Variants in ACO1 observed in about 807,000 individuals in gnomAD.
ACO1 encodes aconitase 1.
A neutral mutation model predicts 105.1 loss-of-function variants in ACO1; 78 were observed. The ratio of observed to expected loss-of-function variants is 0.74; its 90% CI spans 0.62 to 0.90. ACO1 has a LOEUF of 0.90. ACO1 is among the 40% of genes least tolerant of loss of function. The probability of loss-of-function intolerance (pLI) is 0.00; values close to 1 mark genes in which losing one functional copy is unlikely to be tolerated. For missense variants in ACO1, 965 were observed against 1,111.1 expected (o/e 0.87, Z 1.87); for synonymous variants, 364 against 397.4 (o/e 0.92, Z 1.00).
rs1020429262 is a variant in ACO1, at chr9:32,439,593, TATAAG to T, written c.2248-869_2248-865del. The stretch of plus-strand genomic sequence containing the variant: ...TCCCTGTGAGAAACAAATCTGTTTG[TATAAG>T]ATGTTTCTCATGTACTAAAATATTA... On this transcript the variant is annotated intron_variant, in intron 18 of 20. Coordinates refer to ENST00000309951, the MANE Select transcript of ACO1 (RefSeq NM_002197.3). The surrounding 1 kb of genome is among the most constrained non-coding windows in gnomAD (Gnocchi z 4.0). Among the ~76,000 whole-genome samples, 1 of 152,268 alleles carries T rather than the reference TATAAG, an allele frequency of 6.6e-6. No homozygotes were observed. The highest frequency in any genetic ancestry group is 2.4e-5 in the African/African-American group (1 of 41,470).
chr9:32,417,094 GTTTC>G (rs2118453440), intron 4 of ACO1, among the ~76,000 whole-genome samples: 1 of 152,262 alleles, frequency 6.6e-6, no homozygotes, highest in South Asian at 2.1e-4. Flanking sequence ...GACTGCCTGG[GTTTC>G]AATCCCAGTT....
chr9:32,387,320 A>C (rs540160730), intron 1 of ACO1, among the ~76,000 whole-genome samples: 2 of 152,340 alleles, frequency 1.3e-5, no homozygotes, highest in East Asian at 3.9e-4. Flanking sequence ...GAGCTGGTTT[A>C]TACTAGCATT....
At chr9:32,420,506 G>C (rs775237144) in intron 7 of ACO1, among the ~76,000 whole-genome samples, 1 of 152,142 alleles carries the variant, frequency 6.6e-6, no homozygotes, top group Non-Finnish European at 1.5e-5. Context: ...AAAGAGTACA[G>C]AGAATTCCTG....
chr9:32,411,832 G>A (rs927803079), intron 4 of ACO1, among the ~76,000 whole-genome samples: 2 of 152,080 alleles, frequency 1.3e-5, no homozygotes, highest in Non-Finnish European at 2.9e-5. Flanking sequence ...TATATCCTTT[G>A]TCCTGGAATT....
At chr9:32,398,054 T>C (rs1484456420) in intron 1 of ACO1, among the ~76,000 whole-genome samples, 1 of 152,182 alleles carries the variant, frequency 6.6e-6, no homozygotes, top group African/African-American at 2.4e-5. Flanking sequence ...CCACTACTGA[T>C]AGTTCTGCTG....
intron 1 of ACO1, among the ~76,000 whole-genome samples, chr9:32,385,150 G>A (rs1349428617): frequency 6.6e-6 from 1 of 152,188 alleles, no homozygotes; most frequent in East Asian, 1.9e-4. Context: ...GGGCAGATCC[G>A]GGAATCCACT....
rs535299232 is a variant in ACO1, at chr9:32,448,735, T to C, written c.2371-161T>C. Among the ~76,000 whole-genome samples, 3 of 152,292 alleles carry C rather than the reference T, an allele frequency of 2.0e-5. No individual in the cohort carries two copies. The South Asian group carries it at 6.2e-4, about 32-fold the overall frequency. ...ATGAACCGGGTACCTCAGTTGGAAA[T>C]GCAGAAATCACTCGCCTTCTGTGTC... On this transcript the variant is annotated intron_variant, in intron 19 of 20. Transcript: ENST00000309951.
chr9:32,429,434 C>T lies in ACO1; in HGVS notation c.1500C>T (p.Gly500=), dbSNP rs1822176595. 6.2e-7 allele frequency: 1 copy of T among 1,614,144 alleles called. No homozygotes were observed. The change falls in exon 13 of 21, where the codon GGC becomes GGT. Residue 500 remains glycine (G), a synonymous_variant. Coordinates refer to ENST00000309951, the MANE Select transcript of ACO1 (RefSeq NM_002197.3). ...YLSQLGFDVV[G]YGCMTCIGNS... is the part of the protein sequence containing the mutation. ...TGGTGTCTAGGTTTGACGTGGTGGGCTATGGCTGCATGACCTGCATTGGCA... is the reference window on the plus strand; with the variant it reads ...TGGTGTCTAGGTTTGACGTGGTGGGTTATGGCTGCATGACCTGCATTGGCA...
In ACO1 at chr9:32,421,007, T is replaced by C. The variant is rs1245908877; in HGVS notation, c.950T>C (p.Ile317Thr). The change falls in exon 8 of 21, where the codon ATC becomes ACC. Residue 317 changes from isoleucine to threonine, a missense_variant. By Grantham distance (89) the Ile-to-Thr change is moderately conservative (BLOSUM62 -1). Transcript: ENST00000309951. ...TTTTTCCCAGTTGATGAAGTTAGTA[T>C]CACGTACCTGGTGCAAACAGGTAAG... is the stretch of plus-strand genomic sequence containing the variant. ...AAFFPVDEVS[I>T]TYLVQTGRDE... 1 of 1,613,954 alleles carries C rather than the reference T, an allele frequency of 6.2e-7. No individual in the cohort carries two copies. Among genetic ancestry groups the C allele is most frequent in the East Asian group, 2.2e-5 (1 of 44,886 alleles).
At chr9:32,405,458 A>T (rs1490212155) in intron 1 of ACO1, 27 bp from the exon 2 acceptor site, 11 of 1,408,314 alleles carry the variant, frequency 7.8e-6, no homozygotes, top group African/African-American at 1.4e-5. Flanking sequence ...TTAAAAAAAG[A>T]ATTTAAATGT....
chr9:32,450,744 C>T lies in ACO1; in HGVS notation c.*633C>T, dbSNP rs1563952569. 1 of 151,960 alleles carries T rather than the reference C, an allele frequency of 6.6e-6. No homozygotes were observed. Among genetic ancestry groups the T allele is most frequent in the Non-Finnish European group, 1.5e-5 (1 of 68,060 alleles). 9.4% of individuals were successfully genotyped at this position (151,960 alleles called of 1,614,324 possible). A position where few individuals can be genotyped will look rare whatever the true frequency, so the allele number is the denominator to read the frequency against. ...GAAATGTGAAGTTTTCTTTTACTATCTTTTCATTTATCAAGCAGAGACCTT... is the reference window on the plus strand; with the variant it reads ...GAAATGTGAAGTTTTCTTTTACTATTTTTTCATTTATCAAGCAGAGACCTT... On this transcript the variant is annotated 3_prime_UTR_variant, in exon 21 of 21. Transcript: ENST00000309951.
chr9:32,430,306 G>A, intron 13 of ACO1, 112 bp from the exon 14 acceptor site: 1 of 1,081,362 alleles, frequency 9.2e-7, no homozygotes, highest in Admixed American at 2.7e-5. Flanking sequence ...CCAAGTGAAA[G>A]GGCAGCTTAA....
rs572732602 is a variant in ACO1, at chr9:32,446,019, T to A, written c.2371-2877T>A. On this transcript the variant is annotated intron_variant, in intron 19 of 20. Coordinates refer to ENST00000309951, the MANE Select transcript of ACO1 (RefSeq NM_002197.3). ...TTCTTTTGTGTATGCTGAGGAGTGT[T>A]TTACTTCCAATTATGTGGTCAGTGT... 7.9e-5 allele frequency among the ~76,000 whole-genome samples: 12 copies of A among 152,306 alleles called. No homozygotes were observed. The East Asian group carries it at 2.3e-3, about 29-fold the overall frequency.
intron 1 of ACO1, among the ~76,000 whole-genome samples, chr9:32,397,501 G>A (rs1046885233): frequency 2.0e-5 from 3 of 152,176 alleles, no homozygotes; most frequent in African/African-American, 7.2e-5. Context: ...TGGTGATATT[G>A]CTGGCCATGA....
intron 4 of ACO1, among the ~76,000 whole-genome samples, chr9:32,416,708 T>C (rs1189839236): frequency 1.3e-5 from 2 of 152,144 alleles, no homozygotes; most frequent in Non-Finnish European, 1.5e-5. Context: ...TGTGGCAGGC[T>C]CTGGGGGAGG....
chr9:32,441,651 G>A (rs1317387796), intron 19 of ACO1, among the ~76,000 whole-genome samples: 4 of 152,196 alleles, frequency 2.6e-5, no homozygotes, highest in African/African-American at 7.2e-5. Flanking sequence ...TTTAGGAAGG[G>A]GGTTGGGAGC....
chr9:32,447,966 G>A (rs1822658106), intron 19 of ACO1, among the ~76,000 whole-genome samples: 1 of 152,192 alleles, frequency 6.6e-6, no homozygotes, highest in African/African-American at 2.4e-5. Flanking sequence ...GGACCCACCA[G>A]CTGCCAGCCA....
At chr9:32,445,497 C>T in intron 19 of ACO1, 1 of 183,666 alleles carries the variant, frequency 5.4e-6, no homozygotes, top group Non-Finnish European at 1.2e-5. Context: ...TTTGATTCTT[C>T]TCTCTTTCCT....
intron 4 of ACO1, among the ~76,000 whole-genome samples, chr9:32,409,219 C>T (rs541955992): frequency 5.3e-5 from 8 of 152,276 alleles, no homozygotes; most frequent in Admixed American, 2.0e-4. Flanking sequence ...CTACGAAGCT[C>T]CCTGTTCTTC....
Sources: allele counts gnomAD v4.1 joint callset (sites outside exome capture counted in the v4.1 genomes callset), GRCh38; gene constraint gnomAD v4.1.1; non-coding constraint Gnocchi (gnomAD v3.1); transcripts MANE v1.5; gene names NCBI Gene and HGNC (gene_info 2026-07-23, HGNC 2026-07-21).